The following UTP25 variants were observed in gnomAD, a reference collection of about 807,000 sequenced individuals.
UTP25 encodes the protein UTP25 small subunit processome component.
Under a neutral mutation model 78.9 loss-of-function variants are expected in UTP25, and 50 were observed. The observed-to-expected ratio is 0.63, with a 90% CI of 0.50 to 0.80. The LOEUF (loss-of-function observed/expected upper bound fraction) is 0.80, where lower values mean the gene tolerates loss of function less well. Ranked by LOEUF, UTP25 falls within the 30% of genes least tolerant of loss-of-function variation. The pLI, the probability that UTP25 is intolerant of heterozygous loss-of-function variation, is 0.00. For synonymous variants in UTP25, 329 were observed against 336.5 expected, an observed-to-expected ratio of 0.98 and a Z score of 0.24; for missense variants, 846 against 911.3, an observed-to-expected ratio of 0.93 and a Z score of 0.92.
chr1:209,853,771 C>G lies in UTP25; in HGVS notation c.*2324C>G, dbSNP rs2078254963. ...TCCCAAATCTCCAGCTTCTCTGGCT[C>G]TCCACTCACATGTGAGTCTGGATTT... On this transcript the variant is annotated 3_prime_UTR_variant, in exon 12 of 12. Coordinates refer to ENST00000491415, the MANE Select transcript of UTP25 (RefSeq NM_014388.7). 6.6e-6 allele frequency: 1 copy of G among 152,248 alleles called. No individual in the cohort carries two copies. Among genetic ancestry groups the G allele is most frequent in the Non-Finnish European group, 1.5e-5 (1 of 68,052 alleles). The allele number at this position is 152,248 out of a possible 1,614,324, so 9.4% of individuals were successfully genotyped here.
chr1:209,828,073 C>A lies in UTP25; in HGVS notation c.10C>A (p.Arg4Ser). 1.2e-6 allele frequency: 2 copies of A among 1,614,082 alleles called. No homozygotes were observed. Among genetic ancestry groups the A allele is most frequent in the Non-Finnish European group, 1.7e-6 (2 of 1,179,940 alleles). ...ACTTGACGTTTTCGCTATGGGCAAA[C>A]GCGGGAGCCGGAGCCAGAGCCAGCT... Reference protein sequence around the residue: MGKRGSRSQSQLLN... With the variant: MGKSGSRSQSQLLN... Residue 4 changes from arginine to serine, a missense_variant, in exon 1 of 12, where the codon CGC becomes AGC. Coordinates refer to ENST00000491415, the MANE Select transcript of UTP25 (RefSeq NM_014388.7).
chr1:209,836,650 T>G, intron 5 of UTP25, 151 bp from the exon 6 acceptor site: 20 of 791,990 alleles, frequency 2.5e-5, no homozygotes, highest in Non-Finnish European at 3.7e-5. Flanking sequence ...AACTATAACA[T>G]GAGTATCATG....
At chr1:209,842,775 C>A in intron 10 of UTP25, 80 bp downstream of exon 10, 1 of 1,065,344 alleles carries the variant, frequency 9.4e-7, no homozygotes, top group Non-Finnish European at 1.4e-6. Context: ...AATTGGATTC[C>A]ATTTTGCTTT....
chr1:209,848,787 T>C (rs2078212431), intron 11 of UTP25, among the ~76,000 whole-genome samples: 1 of 152,238 alleles, frequency 6.6e-6, no homozygotes, highest in African/African-American at 2.4e-5. Context: ...ATGTCTTTTC[T>C]TGCTTTTTTG....
At chr1:209,836,441 A>G (rs2078133426) in intron 5 of UTP25, among the ~76,000 whole-genome samples, 1 of 152,208 alleles carries the variant, frequency 6.6e-6, no homozygotes, top group Non-Finnish European at 1.5e-5. Flanking sequence ...TATCAAGGGT[A>G]TTTGACCATG....
intron 1 of UTP25, 79 bp downstream of exon 1, chr1:209,828,249 C>G: frequency 9.6e-7 from 1 of 1,041,484 alleles, no homozygotes; most frequent in African/African-American, 1.6e-5. Context: ...CCAGATAGTG[C>G]TGCTCCGGCC....
intron 11 of UTP25, among the ~76,000 whole-genome samples, chr1:209,848,019 G>A (rs550102045): frequency 1.3e-5 from 2 of 152,290 alleles, no homozygotes; most frequent in South Asian, 4.1e-4. Flanking sequence ...TTATCTAATT[G>A]TTCCCTTGTT....
Position 209,836,999 on chromosome 1 carries a change from TTAA to T in UTP25, c.852_854del (p.Leu284_Ile285delinsPhe), listed in dbSNP as rs1208562958. 3.1e-6 allele frequency: 5 copies of T among 1,614,158 alleles called. No homozygotes were observed. The highest frequency in any genetic ancestry group is 3.4e-6 in the Non-Finnish European group (4 of 1,180,024). The stretch of plus-strand genomic sequence containing the variant: ...CACCCCCCTCCAGAAAGAACTCTTC[TTAA>T]TTATGAATTCTTACCGGGACCTGTT... On this transcript the variant is annotated inframe_deletion, in exon 6 of 12. Coordinates refer to ENST00000491415, the MANE Select transcript of UTP25 (RefSeq NM_014388.7).
At position 209,839,052 on chromosome 1, in the gene UTP25, G is replaced by A. The variant is rs2078151426; in HGVS notation, c.1206G>A (p.Glu402=). The A allele has an allele frequency of 1.9e-6, 3 of 1,614,014 alleles. No individual in the cohort carries two copies. The highest frequency in any genetic ancestry group is 2.7e-5 in the African/African-American group (2 of 74,906). The part of the protein sequence containing the change: ...FQGEYGSDPE[E]RPPNLKRPED... ...GAGAATATGGATCAGATCCCGAGGA[G>A]AGACCACCCAACTTGAAGAGGCCTG... Residue 402 remains glutamate (E), a synonymous_variant, in exon 7 of 12, where the codon GAG becomes GAA. Transcript: ENST00000491415.
intron 11 of UTP25, among the ~76,000 whole-genome samples, chr1:209,847,340 T>C (rs1395983714): frequency 1.3e-5 from 2 of 152,152 alleles, no homozygotes; most frequent in Non-Finnish European, 2.9e-5. Flanking sequence ...CCACCAGCTG[T>C]TCTCATTTTA....
At position 209,843,608 on chromosome 1, in the gene UTP25, A is replaced by C; in HGVS notation, c.1939A>C (p.Lys647Gln). 1 of 1,614,200 alleles carries C rather than the reference A, an allele frequency of 6.2e-7. No homozygotes were observed. Among genetic ancestry groups the C allele is most frequent in the Non-Finnish European group, 8.5e-7 (1 of 1,180,014 alleles). Residue 647 changes from lysine to glutamine, a missense_variant, in exon 11 of 12, where the codon AAG becomes CAG. Lys to Gln is a moderately conservative substitution (Grantham distance 53). Transcript: ENST00000491415. ...TACCCACATCTGCGAGTACACGCAG[A>C]AGTCTGGTGTCTCCAGGGCCAGACA... ...NFTHICEYTQ[K>Q]SGVSRARHFF...
rs185838281 is a variant in UTP25 at position 209,856,263 on chromosome 1, C to T, written c.*4816C>T. 3.3e-5 allele frequency: 5 copies of T among 152,370 alleles called. No homozygotes were observed. Among genetic ancestry groups the T allele is most frequent in the Admixed American group, 2.6e-4 (4 of 15,304 alleles). The allele number at this position is 152,370 out of a possible 1,614,324, so 9.4% of individuals were successfully genotyped here. On this transcript the variant is annotated 3_prime_UTR_variant, in exon 12 of 12. Coordinates refer to ENST00000491415, the MANE Select transcript of UTP25 (RefSeq NM_014388.7). ...CACCTACTTCCCTAGTTCCAGAACG[C>T]TGGACTTTAATGAGATAACAAAGTA... is the stretch of plus-strand genomic sequence containing the variant.
At position 209,851,474 on chromosome 1, in the gene UTP25, T is replaced by C. The variant is rs1248540143; in HGVS notation, c.*27T>C. On this transcript the variant is annotated 3_prime_UTR_variant, in exon 12 of 12. Coordinates refer to ENST00000491415, the MANE Select transcript of UTP25 (RefSeq NM_014388.7). ...ATTTTGTTGGGCAGGAAGTGGTATT[T>C]GGCATGATACATAATGTTTGATTCT... 2 of 1,585,864 alleles carry C rather than the reference T, an allele frequency of 1.3e-6. No homozygotes were observed. The highest frequency in any genetic ancestry group is 1.7e-6 in the Non-Finnish European group (2 of 1,165,898).
intron 3 of UTP25, 52 bp from the exon 4 acceptor site, chr1:209,833,133 G>T: frequency 1.3e-6 from 2 of 1,537,094 alleles, no homozygotes; most frequent in African/African-American, 2.8e-5. Context: ...TTTGTCAACA[G>T]AAGTATAATT....
chr1:209,830,494 A>G (rs2078096924), intron 2 of UTP25, among the ~76,000 whole-genome samples: 2 of 114,460 alleles, frequency 1.7e-5, no homozygotes, highest in South Asian at 5.2e-4. Context: ...TCATATTACA[A>G]CAAACTAAAA....
intron 8 of UTP25, among the ~76,000 whole-genome samples, chr1:209,841,308 T>C (rs2078165939): frequency 1.3e-5 from 2 of 152,232 alleles, no homozygotes; most frequent in Admixed American, 6.5e-5. Flanking sequence ...AAGATTTCTT[T>C]CCCTTAAAAT....
rs61742373 is a variant in UTP25 at position 209,851,370 on chromosome 1, G to A, written c.2194G>A (p.Val732Met). The A allele has an allele frequency of 4.6e-4, 737 of 1,614,222 alleles. 2 individuals carry two copies. The African/African-American group carries it at 5.2e-3, about 11-fold the overall frequency. ...SKYDAQRLAAVVGVERAAQML... is the reference protein window; with the variant it reads ...SKYDAQRLAAMVGVERAAQML... ...ATATGATGCCCAGAGGTTAGCTGCCGTGGTTGGTGTGGAGCGGGCGGCACA... is the reference window on the plus strand; with the variant it reads ...ATATGATGCCCAGAGGTTAGCTGCCATGGTTGGTGTGGAGCGGGCGGCACA... The change falls in exon 12 of 12, where the codon GTG becomes ATG. Residue 732 changes from valine to methionine, a missense_variant. Val to Met is a conservative substitution (Grantham distance 21). Coordinates refer to ENST00000491415, the MANE Select transcript of UTP25 (RefSeq NM_014388.7).
At chr1:209,836,689 A>AT (rs2078134867) in intron 5 of UTP25, 112 bp from the exon 6 acceptor site, 1 of 1,190,680 alleles carries the variant, frequency 8.4e-7, no homozygotes, top group Non-Finnish European at 1.2e-6. Context: ...TGTTGTGAGG[A>AT]TTAAATGAGA....
chr1:209,837,358 G>C, intron 6 of UTP25, 147 bp downstream of exon 6: 1 of 950,646 alleles, frequency 1.1e-6, no homozygotes, highest in Non-Finnish European at 1.5e-6. Context: ...AAGTAGGCCA[G>C]GTAGTGTCAG....
Sources: gnomAD v4.1 joint callset for allele counts (sites outside exome capture counted in the v4.1 genomes callset) on GRCh38, gnomAD v4.1.1 for gene constraint, MANE v1.5 for transcripts, NCBI Gene and HGNC (gene_info 2026-07-23, HGNC 2026-07-21) for gene names.